The following KCNH1 variants were observed in gnomAD, a reference collection of about 807,000 sequenced individuals.
KCNH1 encodes voltage-gated delayed rectifier potassium channel KCNH1.
A neutral mutation model predicts 69.2 loss-of-function variants in KCNH1; 27 were observed. That is an observed-to-expected ratio of 0.39 (90% CI 0.29 to 0.54). KCNH1 has a LOEUF of 0.54. Ranked by LOEUF, KCNH1 falls within the 20% of genes least tolerant of loss-of-function variation. The probability of loss-of-function intolerance (pLI) is 0.68; values close to 1 mark genes in which losing one functional copy is unlikely to be tolerated. For synonymous variants in KCNH1, 456 were observed against 487.7 expected (o/e 0.93, Z 0.86); for missense variants, 798 against 1,261.6 (o/e 0.63, Z 5.57).
chr1:210,982,729 T>C (rs1357323674), intron 6 of KCNH1, among the ~76,000 whole-genome samples: 3 of 152,202 alleles, frequency 2.0e-5, no homozygotes, highest in African/African-American at 7.2e-5. Flanking sequence ...GCAATAAACA[T>C]ACGTGTGCAT....
At chr1:211,112,340 G>C (rs1691487485) in intron 1 of KCNH1, among the ~76,000 whole-genome samples, 1 of 144,880 alleles carries the variant, frequency 6.9e-6, no homozygotes, top group South Asian at 2.3e-4. Context: ...GGGAAGCGAG[G>C]AGTGCCTCTG....
At chr1:211,077,365 G>T (rs968605153) in intron 5 of KCNH1, among the ~76,000 whole-genome samples, 3 of 152,202 alleles carry the variant, frequency 2.0e-5, no homozygotes, top group African/African-American at 7.2e-5. Flanking sequence ...TAGAAAGGTC[G>T]AGTTACCCAC....
Position 210,728,093 on chromosome 1 carries a change from C to T in KCNH1, c.2113-43955G>A, listed in dbSNP as rs558854678. ...AAATATCTACTGAATCTTAATCTCT[C>T]GGGTTGTTATCAGAACCTACATTCT... On this transcript the variant is annotated intron_variant, in intron 10 of 10. Transcript: ENST00000271751. Among the ~76,000 whole-genome samples the T allele has an allele frequency of 6.2e-4, 94 of 152,296 alleles. 1 individual carries two copies. The highest frequency in any genetic ancestry group is 1.8e-3 in the African/African-American group (76 of 41,560).
At chr1:211,059,610 G>A (rs1231141000) in intron 5 of KCNH1, among the ~76,000 whole-genome samples, 1 of 152,022 alleles carries the variant, frequency 6.6e-6, no homozygotes, top group Non-Finnish European at 1.5e-5. Flanking sequence ...GGACGTGGTG[G>A]TGGGCACCTG....
At chr1:210,802,670 C>A (rs998248539) in intron 8 of KCNH1, among the ~76,000 whole-genome samples, 1 of 152,106 alleles carries the variant, frequency 6.6e-6, no homozygotes, top group Non-Finnish European at 1.5e-5. Context: ...TAGAATAATA[C>A]AATTCTTAGA....
At chr1:211,025,399 C>A (rs971988330) in intron 5 of KCNH1, among the ~76,000 whole-genome samples, 1 of 152,068 alleles carries the variant, frequency 6.6e-6, no homozygotes, top group Non-Finnish European at 1.5e-5. Flanking sequence ...CACTTTCCAC[C>A]CCTCTTACCA....
intron 8 of KCNH1, among the ~76,000 whole-genome samples, chr1:210,802,841 T>C (rs6658266): frequency 0.01 from 1,594 of 152,280 alleles, 33 homozygotes; most frequent in African/African-American, 0.037. Context: ...GCCTGGGCAC[T>C]TGTCAAAAAT....
chr1:210,803,938 G>A (rs763872605), intron 8 of KCNH1, 29 bp downstream of exon 8: 4 of 1,599,180 alleles, frequency 2.5e-6, no homozygotes, highest in Non-Finnish European at 3.4e-6. Context: ...AAAGACAAAT[G>A]GTTTCCCTGA....
chr1:210,772,537 G>T (rs1574246980), intron 10 of KCNH1, among the ~76,000 whole-genome samples: 2 of 151,216 alleles, frequency 1.3e-5, no homozygotes. Flanking sequence ...AAAAAGAATG[G>T]CTACCTCTTT....
chr1:211,087,587 C>T (rs190022921), intron 4 of KCNH1, among the ~76,000 whole-genome samples: 124 of 150,046 alleles, frequency 8.3e-4, no homozygotes, highest in African/African-American at 2.9e-3. Context: ...TACCTACTCT[C>T]TCATTCAGCC....
intron 7 of KCNH1, among the ~76,000 whole-genome samples, chr1:210,845,717 A>G (rs1051954371): frequency 6.6e-6 from 1 of 152,154 alleles, no homozygotes; most frequent in African/African-American, 2.4e-5. Context: ...TAGTGTTGGA[A>G]GTTCTGGCCA....
intron 10 of KCNH1, among the ~76,000 whole-genome samples, chr1:210,737,313 A>G (rs1682903550): frequency 1.3e-5 from 2 of 152,224 alleles, no homozygotes; most frequent in African/African-American, 2.4e-5. Flanking sequence ...ATGAAAAGGT[A>G]GATTTCTGTG....
chr1:210,775,969 G>C (rs1683851362), intron 9 of KCNH1, among the ~76,000 whole-genome samples: 1 of 152,150 alleles, frequency 6.6e-6, no homozygotes, highest in South Asian at 2.1e-4. Context: ...ACATAACACA[G>C]TGCCTGCACA....
At chr1:211,034,772 G>A (rs554519417) in intron 5 of KCNH1, among the ~76,000 whole-genome samples, 8 of 152,262 alleles carry the variant, frequency 5.3e-5, no homozygotes, top group South Asian at 2.1e-4. Context: ...GGCTTATTGC[G>A]TGTTTTCAAG....
chr1:210,988,391 G>A (rs762840103), intron 6 of KCNH1, among the ~76,000 whole-genome samples: 4 of 152,176 alleles, frequency 2.6e-5, no homozygotes, highest in Non-Finnish European at 4.4e-5. Context: ...GGGAGCTGTA[G>A]ACTGGAGCTG....
intron 10 of KCNH1, among the ~76,000 whole-genome samples, chr1:210,693,645 G>C (rs970181663): frequency 6.6e-6 from 1 of 152,164 alleles, no homozygotes; most frequent in African/African-American, 2.4e-5. Context: ...ATCTGAACCT[G>C]AATCAAGAAT....
intron 7 of KCNH1, among the ~76,000 whole-genome samples, chr1:210,856,776 A>G (rs918332087): frequency 1.7e-5 from 2 of 119,126 alleles, no homozygotes; most frequent in Non-Finnish European, 3.7e-5. Context: ...TTATATATAT[A>G]TGTTATATAT....
intron 3 of KCNH1, 34 bp from the exon 4 acceptor site, chr1:211,090,724 T>C (rs745426292): frequency 6.3e-7 from 1 of 1,583,444 alleles, no homozygotes. Context: ...GTCAGTAATT[T>C]GCATTCTCAT....
intron 7 of KCNH1, among the ~76,000 whole-genome samples, chr1:210,853,953 A>AAAAAAAAAAAC (rs1553351795): frequency 3.0e-4 from 42 of 141,100 alleles, no homozygotes; most frequent in African/African-American, 6.6e-4. Context: ...AGCCAAAAAA[A>AAAAAAAAAAAC]AAAAAAAAAA....
Sources: gnomAD v4.1 joint callset for allele counts (sites outside exome capture counted in the v4.1 genomes callset) on GRCh38, gnomAD v4.1.1 for gene constraint, MANE v1.5 for transcripts, NCBI Gene and HGNC (gene_info 2026-07-23, HGNC 2026-07-21) for gene names.